CCDC181: variants seen among roughly 807,000 people sequenced by gnomAD.
The protein encoded by CCDC181 is coiled-coil domain-containing protein 181.
In CCDC181, 35 loss-of-function variants were observed where a neutral mutation model predicts 58.7. The ratio of observed to expected loss-of-function variants is 0.60; its 90% CI spans 0.46 to 0.79. The LOEUF is 0.79. CCDC181 is among the 30% of genes least tolerant of loss of function. CCDC181 has a pLI of 0.00. For missense variants in CCDC181, 517 were observed against 583.9 expected (o/e 0.89, Z 1.18); for synonymous variants, 183 against 197.5 (o/e 0.93, Z 0.62).
chr1:169,444,333 A>G (rs929487284), intron 2 of CCDC181, among the ~76,000 whole-genome samples: 3 of 152,188 alleles, frequency 2.0e-5, no homozygotes, highest in Non-Finnish European at 4.4e-5. Flanking sequence ...GGAAGAAGAA[A>G]TCACGAGTGT....
intron 2 of CCDC181, among the ~76,000 whole-genome samples, chr1:169,439,589 G>A (rs982971618): frequency 4.6e-5 from 7 of 152,128 alleles, no homozygotes; most frequent in African/African-American, 1.7e-4. Context: ...TAGCATCTCG[G>A]GGTGTGTTAC....
At chr1:169,400,076 CAG>C (rs899640009) in intron 4 of CCDC181, among the ~76,000 whole-genome samples, 8 of 151,956 alleles carry the variant, frequency 5.3e-5, no homozygotes, top group African/African-American at 7.3e-5. Context: ...TAAGGTCTAA[CAG>C]AGAGTAGCTG....
At chr1:169,403,507 C>T (rs1017338729) in intron 4 of CCDC181, among the ~76,000 whole-genome samples, 3 of 152,242 alleles carry the variant, frequency 2.0e-5, no homozygotes, top group African/African-American at 7.2e-5. Flanking sequence ...TTAAGAAACT[C>T]ACTCAAAACC....
upstream of CCDC181, among the ~76,000 whole-genome samples, chr1:169,431,435 A>G (rs1267844651): frequency 6.6e-6 from 1 of 152,216 alleles, no homozygotes; most frequent in Non-Finnish European, 1.5e-5. Context: ...ACAATGGAAT[A>G]TTATTCTGCA....
intron 2 of CCDC181, among the ~76,000 whole-genome samples, chr1:169,423,238 A>G (rs2102096536): frequency 6.6e-6 from 1 of 151,914 alleles, no homozygotes; most frequent in Middle Eastern, 3.4e-3. Flanking sequence ...CAGATGTCTA[A>G]TAAGCAAATA....
intron 2 of CCDC181, among the ~76,000 whole-genome samples, chr1:169,459,064 AGG>A (rs1657761795): frequency 6.6e-6 from 1 of 152,122 alleles, no homozygotes; most frequent in Non-Finnish European, 1.5e-5. Flanking sequence ...TAAAATAAAA[AGG>A]GCAATAATTA....
At chr1:169,454,333 G>A (rs539414197) in intron 2 of CCDC181, 52 of 152,120 alleles carry the variant, frequency 3.4e-4, no homozygotes, top group Non-Finnish European at 6.0e-4. Context: ...GTAAAGTTAT[G>A]TATAGATAAT....
chr1:169,432,378 A>C (rs1268127051), upstream of CCDC181, among the ~76,000 whole-genome samples: 2 of 152,194 alleles, frequency 1.3e-5, no homozygotes, highest in Admixed American at 6.5e-5. Flanking sequence ...CACAGTCTGC[A>C]TTGTGGGAGT....
At chr1:169,402,775 CATA>C (rs1235524137) in intron 4 of CCDC181, among the ~76,000 whole-genome samples, 1 of 152,118 alleles carries the variant, frequency 6.6e-6, no homozygotes, top group African/African-American at 2.4e-5. Context: ...CAGCTAACAT[CATA>C]ATGACAGGAC....
intron 4 of CCDC181, among the ~76,000 whole-genome samples, chr1:169,399,842 T>C (rs1201282829): frequency 6.6e-6 from 1 of 152,196 alleles, no homozygotes; most frequent in Non-Finnish European, 1.5e-5. Flanking sequence ...GGTGACACTT[T>C]CCAGACAACG....
chr1:169,410,707 C>A (rs1655917310), intron 4 of CCDC181, among the ~76,000 whole-genome samples: 1 of 152,172 alleles, frequency 6.6e-6, no homozygotes, highest in South Asian at 2.1e-4. Flanking sequence ...GACCACAGTG[C>A]AATCAAATTA....
chr1:169,395,084 T>C lies in CCDC181; in HGVS notation c.1493A>G (p.Glu498Gly). ...ATCAGTAAAACGAAAAGGTTTGGCTTCTGACATATATAGGTGGTGCTGTAA... is the reference window on the plus strand; with the variant it reads ...ATCAGTAAAACGAAAAGGTTTGGCTCCTGACATATATAGGTGGTGCTGTAA... ...KQLQHHLYMS[E>G]AKPFRFTDHY... The change falls in exon 6 of 6, where the codon GAA becomes GGA. Residue 498 changes from glutamate (E) to glycine (G), a missense_variant. By Grantham distance (98) the Glu-to-Gly change is moderately conservative. Transcript: ENST00000367806. The C allele has an allele frequency of 6.2e-7, 1 of 1,609,298 alleles. No individual in the cohort carries two copies. Among genetic ancestry groups the C allele is most frequent in the Non-Finnish European group, 8.5e-7 (1 of 1,178,206 alleles).
At chr1:169,400,545 G>A (rs1357140899) in intron 4 of CCDC181, among the ~76,000 whole-genome samples, 2 of 151,160 alleles carry the variant, frequency 1.3e-5, no homozygotes, top group African/African-American at 2.4e-5. Flanking sequence ...CATAGATATT[G>A]GCATTTAGAT....
At chr1:169,405,108 T>A (rs1329668681) in intron 4 of CCDC181, among the ~76,000 whole-genome samples, 1 of 152,192 alleles carries the variant, frequency 6.6e-6, no homozygotes, top group Non-Finnish European at 1.5e-5. Context: ...ACAAGGGATG[T>A]GAAGGACCTC....
intron 2 of CCDC181, among the ~76,000 whole-genome samples, chr1:169,424,557 A>T (rs1656632047): frequency 6.6e-6 from 1 of 151,760 alleles, no homozygotes; most frequent in Non-Finnish European, 1.5e-5. Context: ...TTATAATTTT[A>T]TAATGGTCAC....
intron 2 of CCDC181, among the ~76,000 whole-genome samples, chr1:169,436,931 T>G (rs12143708): frequency 0.27 from 40,354 of 151,698 alleles, 6,726 homozygotes; most frequent in Non-Finnish European, 0.38. Flanking sequence ...ATGGAGGAAT[T>G]AATTAGGAGG....
At chr1:169,427,964 A>G (rs1656787909), upstream of CCDC181, among the ~76,000 whole-genome samples, 1 of 152,212 alleles carries the variant, frequency 6.6e-6, no homozygotes, top group Admixed American at 6.5e-5. Context: ...GCAAAGCAAG[A>G]TGAATTTAGA....
chr1:169,423,960 C>A (rs1022283223), intron 2 of CCDC181, among the ~76,000 whole-genome samples: 1 of 152,018 alleles, frequency 6.6e-6, no homozygotes, highest in Middle Eastern at 3.4e-3. Flanking sequence ...TAATATAAAA[C>A]CTGCATTTCC....
intron 2 of CCDC181, among the ~76,000 whole-genome samples, chr1:169,454,018 C>T (rs930728697): frequency 1.3e-5 from 2 of 151,898 alleles, no homozygotes; most frequent in African/African-American, 4.8e-5. Context: ...TTTTGATGTC[C>T]CCTCCTTCTT....
Sources: gnomAD v4.1 joint callset for allele counts (sites outside exome capture counted in the v4.1 genomes callset) on GRCh38, gnomAD v4.1.1 for gene constraint, MANE v1.5 for transcripts, NCBI Gene and HGNC (gene_info 2026-07-23, HGNC 2026-07-21) for gene names.